Variants in SRGAP2 observed in about 807,000 individuals in gnomAD.
SRGAP2 encodes SLIT-ROBO Rho GTPase-activating protein 2.
A neutral mutation model predicts 57.2 loss-of-function variants in SRGAP2; 15 were observed. The ratio of observed to expected loss-of-function variants is 0.26; its 90% confidence interval spans 0.18 to 0.40. The LOEUF is 0.40. SRGAP2 is among the 10% of genes least tolerant of loss of function. SRGAP2 has a pLI of 1.00. For synonymous variants in SRGAP2, 249 were observed against 248.0 expected (o/e 1.00, Z -0.04); for missense variants, 520 against 669.6 (o/e 0.78, Z 2.47).
At chr1:206,311,646 G>A (rs1672650304) in intron 3 of SRGAP2, among the ~76,000 whole-genome samples, 2 of 152,114 alleles carry the variant, frequency 1.3e-5, no homozygotes, top group East Asian at 3.8e-4. Flanking sequence ...GGAAAAGATA[G>A]GGGCCAGAAG....
At chr1:206,213,986 TTA>T (rs1666479652) in intron 2 of SRGAP2, among the ~76,000 whole-genome samples, 1 of 152,042 alleles carries the variant, frequency 6.6e-6, no homozygotes, top group African/African-American at 2.4e-5. Flanking sequence ...TCATGCCTTT[TTA>T]GAAGGGGTCA....
chr1:206,281,862 A>G (rs1483351537), intron 2 of SRGAP2, among the ~76,000 whole-genome samples: 1 of 142,074 alleles, frequency 7.0e-6, no homozygotes, highest in Non-Finnish European at 1.5e-5. Context: ...TGCGGTGAGC[A>G]GAGATCGCAC....
At position 206,450,413 on chromosome 1, in the gene SRGAP2, G is replaced by T. The variant is rs781968270; in HGVS notation, c.2127G>T (p.Ser709=). Residue 709 remains serine (S), a synonymous_variant, in exon 19 of 23, where the codon TCG becomes TCT. Transcript: ENST00000573034. ...YCDSPHGETT[S]VEDSTQDVTA... Reference sequence around the variant, plus strand: ...ATAGCCCTCATGGAGAGACTACCTCGGTTGAAGACTCAACCCAGGATGTGA... The same window carrying T: ...ATAGCCCTCATGGAGAGACTACCTCTGTTGAAGACTCAACCCAGGATGTGA... 5.1e-6 allele frequency: 4 copies of T among 780,818 alleles called. No homozygotes were observed. Among genetic ancestry groups the T allele is most frequent in the Admixed American group, 1.7e-5 (1 of 59,030 alleles). 48.4% of individuals were successfully genotyped at this position (780,818 alleles called of 1,614,324 possible). A position where few individuals can be genotyped will look rare whatever the true frequency, so the allele number is the denominator to read the frequency against.
chr1:206,416,252 C>G (rs782804271), intron 11 of SRGAP2, among the ~76,000 whole-genome samples: 2 of 152,110 alleles, frequency 1.3e-5, no homozygotes, highest in Non-Finnish European at 2.9e-5. Context: ...TCCTCTGCCA[C>G]GACTAGGGTA....
intron 3 of SRGAP2, among the ~76,000 whole-genome samples, chr1:206,337,016 A>T (rs1674826152): frequency 7.2e-6 from 1 of 139,338 alleles, no homozygotes; most frequent in Non-Finnish European, 1.5e-5. Flanking sequence ...TTTAAAAGCG[A>T]GAAATTATAT....
rs370784257 is a variant in SRGAP2 at position 206,204,907 on chromosome 1, G to GCCCC, written c.-542-514_-542-511dup. On this transcript the variant is annotated intron_variant, in intron 1 of 22. Transcript: ENST00000573034. ...CGAGCAGGCTTTTTCCTGCAGATTTGCCCCCCCCCCCATCAACATTTTGCT... is the reference window on the plus strand; with the variant it reads ...CGAGCAGGCTTTTTCCTGCAGATTTGCCCCCCCCCCCCCCCATCAACATTTTGCT... 12 of 95,132 alleles carry GCCCC rather than the reference G, an allele frequency of 1.3e-4. 2 individuals are homozygous for GCCCC. Among genetic ancestry groups the GCCCC allele is most frequent in the African/African-American group, 3.1e-4 (5 of 16,064 alleles). The allele number at this position is 95,132 out of a possible 1,614,324, so 5.9% of individuals were successfully genotyped here.
chr1:206,375,981 C>T (rs1553344464), intron 4 of SRGAP2, among the ~76,000 whole-genome samples: 1 of 150,076 alleles, frequency 6.7e-6, no homozygotes, highest in African/African-American at 2.5e-5. Context: ...CTGGATTTCA[C>T]TGAACCAGAA....
chr1:206,459,726 A>C (rs1553379810), intron 22 of SRGAP2, among the ~76,000 whole-genome samples: 2 of 152,138 alleles, frequency 1.3e-5, no homozygotes, highest in African/African-American at 4.8e-5. Context: ...AACTGAGTTG[A>C]GATTCTCCTT....
At chr1:206,383,696 A>G (rs1214589034) in intron 4 of SRGAP2, among the ~76,000 whole-genome samples, 1 of 147,790 alleles carries the variant, frequency 6.8e-6, no homozygotes, top group Non-Finnish European at 1.5e-5. Context: ...TGTTCCACCT[A>G]ACAACAGTTG....
At chr1:206,423,348 T>A (rs868973827) in intron 13 of SRGAP2, among the ~76,000 whole-genome samples, 1 of 152,230 alleles carries the variant, frequency 6.6e-6, no homozygotes, top group African/African-American at 2.4e-5. Context: ...TTCCCTTAGA[T>A]GAATCTTTCT....
intron 13 of SRGAP2, among the ~76,000 whole-genome samples, chr1:206,429,667 C>T (rs977374670): frequency 3.3e-5 from 5 of 152,082 alleles, no homozygotes; most frequent in South Asian, 2.1e-4. Flanking sequence ...CATGCAAGGC[C>T]GTGTAAGAGA....
At chr1:206,455,163 A>G in intron 21 of SRGAP2, 139 bp downstream of exon 21, 1 of 738,420 alleles carries the variant, frequency 1.4e-6, no homozygotes, top group South Asian at 1.4e-5. Flanking sequence ...GCATGTGGTC[A>G]TTGCTGCTGC....
chr1:206,419,341 C>A, intron 11 of SRGAP2, 32 bp from the exon 12 acceptor site: 7 of 780,586 alleles, frequency 9.0e-6, no homozygotes, highest in South Asian at 6.7e-5. Context: ...TCTCCTTTAA[C>A]ATAATGCTTT....
At chr1:206,396,921 AC>A (rs1657652903) in intron 7 of SRGAP2, among the ~76,000 whole-genome samples, 1 of 149,030 alleles carries the variant, frequency 6.7e-6, no homozygotes, top group Non-Finnish European at 1.5e-5. Context: ...TTCTTTTTGT[AC>A]CTTTCAATAT....
intron 2 of SRGAP2, among the ~76,000 whole-genome samples, chr1:206,258,005 G>C (rs1436055582): frequency 6.6e-6 from 1 of 151,964 alleles, no homozygotes; most frequent in African/African-American, 2.4e-5. Flanking sequence ...GGCTTGGCAC[G>C]GTGCATAAGC....
chr1:206,256,741 G>A (rs1669208489), intron 2 of SRGAP2, among the ~76,000 whole-genome samples: 1 of 151,614 alleles, frequency 6.6e-6, no homozygotes. Context: ...GGTAAAATCT[G>A]GGTGACAAAA....
chr1:206,455,338 G>T, intron 21 of SRGAP2: 1 of 380,378 alleles, frequency 2.6e-6, no homozygotes, highest in Non-Finnish European at 4.8e-6. Context: ...CCAAAGCTTT[G>T]GTCACTTTAT....
Position 206,419,422 on chromosome 1 carries a change from C to G in SRGAP2, c.1469+22C>G, listed in dbSNP as rs368394096. On this transcript the variant is annotated intron_variant, in intron 12 of 22. Transcript: ENST00000573034. ...CCAGGTGAGTGTGGCCTGGGACAGG[C>G]CTGGGAAGTGATAGAGGCTTGGTGG... 433 of 780,692 alleles carry G rather than the reference C, an allele frequency of 5.5e-4. No individual in the cohort carries two copies. In the Middle Eastern group the frequency reaches 7.2e-3, roughly 13 times the overall value. 48.4% of individuals were successfully genotyped at this position (780,692 alleles called of 1,614,324 possible).
intron 2 of SRGAP2, chr1:206,214,792 CAAAAAAAAAA>C (rs1236448078): frequency 1.2e-5 from 1 of 83,318 alleles, no homozygotes; most frequent in East Asian, 3.4e-4. Flanking sequence ...AACTCCATCT[CAAAAAAAAAA>C]AAAAAAAAGA....
Sources: gnomAD v4.1 joint callset for allele counts (sites outside exome capture counted in the v4.1 genomes callset) on GRCh38, gnomAD v4.1.1 for gene constraint, MANE v1.5 for transcripts, NCBI Gene and HGNC (gene_info 2026-07-23, HGNC 2026-07-21) for gene names.